Variants in CA10 observed in about 807,000 individuals in gnomAD.
CA10 encodes carbonic anhydrase 10 (inactive).
A neutral mutation model predicts 44.2 loss-of-function variants in CA10; 14 were observed. The observed-to-expected ratio is 0.32, with a 90% CI of 0.21 to 0.50. CA10 has a LOEUF of 0.50. Among genes scored for constraint, CA10 ranks in the 20% least tolerant of loss-of-function variants. The pLI, the probability that CA10 is intolerant of heterozygous loss-of-function variation, is 0.99. For missense variants in CA10, 350 were observed against 409.7 expected (o/e 0.85, Z 1.26); for synonymous variants, 159 against 141.6 (o/e 1.12, Z -0.87).
chr17:51,754,968 T>C (rs143881906), intron 3 of CA10, among the ~76,000 whole-genome samples: 1,694 of 151,952 alleles, frequency 0.011, 21 homozygotes, highest in African/African-American at 0.039. Context: ...GTATATATTA[T>C]ATATACACAT....
intron 3 of CA10, among the ~76,000 whole-genome samples, chr17:51,821,030 TC>T (rs1907764901): frequency 1.4e-4 from 2 of 14,580 alleles, no homozygotes; most frequent in Non-Finnish European, 1.8e-4. Flanking sequence ...AATTCCTCCC[TC>T]CCTCCCTCCC....
At chr17:51,979,040 GC>G (rs1984559994) in intron 2 of CA10, among the ~76,000 whole-genome samples, 2 of 152,030 alleles carry the variant, frequency 1.3e-5, no homozygotes, top group South Asian at 4.1e-4. Context: ...CAAACGTTTG[GC>G]TTTTGGGTGA....
intron 3 of CA10, among the ~76,000 whole-genome samples, chr17:51,929,138 A>G (rs940834816): frequency 6.6e-6 from 1 of 152,204 alleles, no homozygotes; most frequent in East Asian, 1.9e-4. Context: ...AAAAAACCCA[A>G]GTCATAACAT....
intron 2 of CA10, among the ~76,000 whole-genome samples, chr17:52,022,023 A>C (rs7226293): frequency 0.62 from 94,209 of 151,896 alleles, 29,979 homozygotes; most frequent in African/African-American, 0.71. Context: ...TCTAGAAAAT[A>C]AAGGAGGAGG....
intron 2 of CA10, among the ~76,000 whole-genome samples, chr17:51,972,039 G>A (rs181730401): frequency 4.6e-5 from 7 of 151,856 alleles, no homozygotes; most frequent in Non-Finnish European, 8.8e-5. Flanking sequence ...ATATCTTGCA[G>A]CCTCGGAGGA....
chr17:51,678,100 C>A (rs1914696746), intron 4 of CA10, among the ~76,000 whole-genome samples: 2 of 152,218 alleles, frequency 1.3e-5, no homozygotes, highest in East Asian at 3.9e-4. Flanking sequence ...TGTGGATGAA[C>A]CTTGGAAACA....
intron 1 of CA10, among the ~76,000 whole-genome samples, chr17:52,079,891 A>G (rs1987922317): frequency 6.6e-6 from 1 of 152,234 alleles, no homozygotes; most frequent in African/African-American, 2.4e-5. Flanking sequence ...GATGAAACTC[A>G]TTTCTATCTC....
At chr17:51,987,850 A>G (rs547448791) in intron 2 of CA10, among the ~76,000 whole-genome samples, 29 of 148,664 alleles carry the variant, frequency 2.0e-4, no homozygotes, top group Non-Finnish European at 4.2e-4. Flanking sequence ...CAGACTTGCC[A>G]TGCAAAAAAT....
At chr17:51,690,552 T>C (rs1015957612) in intron 4 of CA10, among the ~76,000 whole-genome samples, 2 of 152,172 alleles carry the variant, frequency 1.3e-5, no homozygotes, top group Non-Finnish European at 2.9e-5. Flanking sequence ...AATCGAATCA[T>C]GGGGATGGGT....
intron 3 of CA10, among the ~76,000 whole-genome samples, chr17:51,756,718 C>T (rs920396477): frequency 1.3e-5 from 2 of 152,006 alleles, no homozygotes; most frequent in African/African-American, 4.8e-5. Context: ...CCTCATGATC[C>T]GCCCGTCTTG....
chr17:52,009,752 G>T (rs541147222), intron 2 of CA10, among the ~76,000 whole-genome samples: 1 of 152,042 alleles, frequency 6.6e-6, no homozygotes, highest in South Asian at 2.1e-4. Context: ...ATAAACAGAT[G>T]GGACTTAATT....
intron 4 of CA10, among the ~76,000 whole-genome samples, chr17:51,683,667 T>A (rs539628820): frequency 6.6e-6 from 1 of 152,282 alleles, no homozygotes; most frequent in African/African-American, 2.4e-5. Context: ...GAATTCGCGT[T>A]TATTGACAGA....
rs1362800267 is a variant in CA10, at chr17:51,701,413, G to A, written c.465+46220C>T. On this transcript the variant is annotated intron_variant, in intron 4 of 8. Transcript: ENST00000451037. Reference sequence around the variant, plus strand: ...GGCTCCAAATAAGGTCACGTTCAGAGGTTCTGGGGGTTAGGACTGCAACAT... The same window carrying A: ...GGCTCCAAATAAGGTCACGTTCAGAAGTTCTGGGGGTTAGGACTGCAACAT... Among the ~76,000 whole-genome samples, 3 of 152,304 alleles carry A rather than the reference G, an allele frequency of 2.0e-5. No homozygotes were observed. The East Asian group carries it at 5.8e-4, about 29-fold the overall frequency.
At chr17:52,036,348 T>G (rs1986617961) in intron 2 of CA10, among the ~76,000 whole-genome samples, 1 of 152,290 alleles carries the variant, frequency 6.6e-6, no homozygotes, top group Admixed American at 6.5e-5. Context: ...AGGCTCTGGG[T>G]ATATAAAGAT....
intron 2 of CA10, among the ~76,000 whole-genome samples, chr17:52,025,092 T>C (rs1035519540): frequency 2.0e-5 from 3 of 151,832 alleles, no homozygotes; most frequent in African/African-American, 7.3e-5. Context: ...CCCTGGTCCA[T>C]GGAAAAAAAT....
rs562010849 is a variant in CA10, at chr17:52,105,795, A to G, written c.62-33402T>C. 3.7e-4 allele frequency among the ~76,000 whole-genome samples: 57 copies of G among 152,316 alleles called. No individual in the cohort carries two copies. The South Asian group carries it at 0.011, about 28-fold the overall frequency. Reference sequence around the variant, plus strand: ...CATTTTATGTGTGTGTGTATATGAGACATAGTGACTCATCTCCAGGCCTGT... The same window carrying G: ...CATTTTATGTGTGTGTGTATATGAGGCATAGTGACTCATCTCCAGGCCTGT... On this transcript the variant is annotated intron_variant, in intron 1 of 8. Transcript: ENST00000451037.
chr17:52,155,110 C>T (rs1464140646), intron 1 of CA10, among the ~76,000 whole-genome samples: 3 of 152,174 alleles, frequency 2.0e-5, no homozygotes, highest in Non-Finnish European at 4.4e-5. Flanking sequence ...AGTGTTTAGA[C>T]TACAGACTTT....
At chr17:51,792,549 T>G (rs527332453) in intron 3 of CA10, among the ~76,000 whole-genome samples, 1 of 152,348 alleles carries the variant, frequency 6.6e-6, no homozygotes, top group South Asian at 2.1e-4. Flanking sequence ...AAGCCTAGCC[T>G]TAGTTGCTAG....
intron 4 of CA10, among the ~76,000 whole-genome samples, chr17:51,687,483 A>C (rs1402492237): frequency 6.6e-6 from 1 of 152,220 alleles, no homozygotes; most frequent in Non-Finnish European, 1.5e-5. Context: ...CTCAATAAAT[A>C]TATGTTGAAT....
Sources: gnomAD v4.1 joint callset for allele counts (sites outside exome capture counted in the v4.1 genomes callset) on GRCh38, gnomAD v4.1.1 for gene constraint, MANE v1.5 for transcripts, NCBI Gene and HGNC (gene_info 2026-07-23, HGNC 2026-07-21) for gene names.